The following APH1B variants were observed in gnomAD, a reference collection of about 807,000 sequenced individuals.
APH1B encodes the protein aph-1B gamma-secretase subunit, also known as gamma-secretase subunit APH-1B.
A neutral mutation model predicts 28.2 loss-of-function variants in APH1B; 27 were observed. That is an observed-to-expected ratio of 0.96 (90% confidence interval 0.70 to 1.32). APH1B has a LOEUF of 1.32. Ranked by LOEUF, APH1B falls within the 40% of genes most tolerant of loss-of-function variation. APH1B has a pLI of 0.00. For synonymous variants in APH1B, 141 were observed against 124.6 expected (o/e 1.13, Z -0.88); for missense variants, 305 against 313.6 (o/e 0.97, Z 0.21).
At chr15:63,295,425 T>TG (rs2038555191) in intron 4 of APH1B, among the ~76,000 whole-genome samples, 1 of 152,222 alleles carries the variant, frequency 6.6e-6, no homozygotes, top group African/African-American at 2.4e-5. Flanking sequence ...TTTTGCAGCA[T>TG]TTTTGTGACA....
intron 2 of APH1B, among the ~76,000 whole-genome samples, chr15:63,283,254 A>C (rs2152593220): frequency 6.6e-6 from 1 of 152,350 alleles, no homozygotes; most frequent in East Asian, 1.9e-4. Flanking sequence ...TGATTGACAC[A>C]GTCTCGCTCT....
At chr15:63,289,525 A>G (rs1186665987) in intron 4 of APH1B, among the ~76,000 whole-genome samples, 21 of 152,198 alleles carry the variant, frequency 1.4e-4, no homozygotes, top group Non-Finnish European at 4.4e-5. Context: ...AAATCCAAAA[A>G]TGCTCCAACA....
Position 63,305,786 on chromosome 15 carries a change from A to G in APH1B, c.*5A>G, listed in dbSNP as rs1567033971. Reference sequence around the variant, plus strand: ...TACAACCAGCGCTCCAGATAACCTCAGGGAACCAGCACTTCCCAAACCGCA... The same window carrying G: ...TACAACCAGCGCTCCAGATAACCTCGGGGAACCAGCACTTCCCAAACCGCA... On this transcript the variant is annotated 3_prime_UTR_variant, in exon 6 of 6. Coordinates refer to ENST00000261879, the MANE Select transcript of APH1B (RefSeq NM_031301.4). 4 of 1,611,720 alleles carry G rather than the reference A, an allele frequency of 2.5e-6. No homozygotes were observed. Among genetic ancestry groups the G allele is most frequent in the African/African-American group, 2.7e-5 (2 of 74,836 alleles).
intron 4 of APH1B, among the ~76,000 whole-genome samples, chr15:63,288,124 A>G (rs760476741): frequency 1.1e-4 from 17 of 152,158 alleles, no homozygotes; most frequent in Non-Finnish European, 2.2e-4. Context: ...GTTCCACAAG[A>G]AGACTCTTTT....
At chr15:63,286,649 T>A (rs767757043) in intron 3 of APH1B, 21 bp downstream of exon 3, 7 of 1,574,492 alleles carry the variant, frequency 4.4e-6, no homozygotes, top group Non-Finnish European at 5.2e-6. Flanking sequence ...ACCACATGGT[T>A]TCATTAAGGA....
chr15:63,287,644 T>C, intron 4 of APH1B, 98 bp downstream of exon 4: 1 of 1,460,500 alleles, frequency 6.8e-7, no homozygotes, highest in Non-Finnish European at 9.2e-7. Flanking sequence ...TTGGAATTTA[T>C]GTTATGTCTT....
At chr15:63,288,269 C>T (rs2038468302) in intron 4 of APH1B, among the ~76,000 whole-genome samples, 1 of 152,066 alleles carries the variant, frequency 6.6e-6, no homozygotes, top group African/African-American at 2.4e-5. Flanking sequence ...GGGAGCTTAT[C>T]CTCTAATAAG....
Position 63,277,686 on chromosome 15 carries a change from T to C in APH1B, c.63T>C (p.Tyr21=), listed in dbSNP as rs775620188. 6 of 1,611,796 alleles carry C rather than the reference T, an allele frequency of 3.7e-6. No homozygotes were observed. The highest frequency in any genetic ancestry group is 5.1e-6 in the Non-Finnish European group (6 of 1,179,060). Residue 21 remains tyrosine (Y), a synonymous_variant, in exon 1 of 6, where the codon TAT becomes TAC. Coordinates refer to ENST00000261879, the MANE Select transcript of APH1B (RefSeq NM_031301.4). ...CCTTCGGGCCTGCGCTCGCCCTTTA[T>C]GTCTTCACCATCGCCACCGAGCCGT... ...FIAFGPALAL[Y]VFTIATEPLR...
In APH1B at chr15:63,296,591, A is replaced by G. The variant is rs1283387259; in HGVS notation, c.479-5754A>G. ...CGTGTGAAAATGAAGGTGCTTATGA[A>G]TCTGTGTGTTAGAGCATTTGGGGTA... On this transcript the variant is annotated intron_variant, in intron 4 of 5. Transcript: ENST00000261879. 5.9e-5 allele frequency among the ~76,000 whole-genome samples: 9 copies of G among 152,254 alleles called. No homozygotes were observed. The East Asian group carries it at 1.7e-3, about 29-fold the overall frequency.
At chr15:63,302,138 G>C (rs1004783721) in intron 4 of APH1B, among the ~76,000 whole-genome samples, 19 of 152,146 alleles carry the variant, frequency 1.2e-4, no homozygotes, top group Non-Finnish European at 2.8e-4. Flanking sequence ...TATTGAACAG[G>C]TTTACATTCT....
chr15:63,287,557 C>T lies in APH1B; in HGVS notation c.478+11C>T, dbSNP rs199856103. The stretch of plus-strand genomic sequence containing the variant: ...TCTTCCTTTATTCAGGTATGTGTCT[C>T]ATAGCTGTCAACATTCAGGCTTCTA... On this transcript the variant is annotated intron_variant, in intron 4 of 5. Coordinates refer to ENST00000261879, the MANE Select transcript of APH1B (RefSeq NM_031301.4). The T allele has an allele frequency of 2.5e-6, 4 of 1,612,514 alleles. No homozygotes were observed. The Admixed American group carries it at 6.7e-5, about 27-fold the overall frequency.
At chr15:63,299,960 T>C (rs2038607830) in intron 4 of APH1B, among the ~76,000 whole-genome samples, 1 of 152,010 alleles carries the variant, frequency 6.6e-6, no homozygotes, top group Non-Finnish European at 1.5e-5. Context: ...TGAGCATGTA[T>C]GGGATGGGAC....
At chr15:63,300,320 T>G (rs2152600938) in intron 4 of APH1B, among the ~76,000 whole-genome samples, 1 of 152,260 alleles carries the variant, frequency 6.6e-6, no homozygotes, top group East Asian at 1.9e-4. Flanking sequence ...ACATCAATAT[T>G]CAGAAAGAAT....
intron 4 of APH1B, among the ~76,000 whole-genome samples, chr15:63,289,394 G>A (rs989725917): frequency 6.6e-6 from 1 of 151,984 alleles, no homozygotes; most frequent in Non-Finnish European, 1.5e-5. Context: ...ATTTTTGCCA[G>A]GTAAATCCAT....
intron 2 of APH1B, among the ~76,000 whole-genome samples, chr15:63,285,812 T>C (rs916165429): frequency 6.6e-6 from 1 of 152,268 alleles, no homozygotes; most frequent in Non-Finnish European, 1.5e-5. Flanking sequence ...GGTTCATTTA[T>C]GTCCTGTTCT....
chr15:63,300,894 C>T (rs2038620145), intron 4 of APH1B, among the ~76,000 whole-genome samples: 1 of 152,074 alleles, frequency 6.6e-6, no homozygotes, highest in Non-Finnish European at 1.5e-5. Flanking sequence ...TATAGTATTC[C>T]ATTGTGTGAA....
chr15:63,297,186 G>A (rs117465388), intron 4 of APH1B, among the ~76,000 whole-genome samples: 7 of 152,258 alleles, frequency 4.6e-5, no homozygotes, highest in Non-Finnish European at 7.4e-5. Context: ...ATAAACTAAC[G>A]TTGATATTCT....
intron 3 of APH1B, among the ~76,000 whole-genome samples, chr15:63,286,898 T>C (rs1193156975): frequency 6.6e-6 from 1 of 152,232 alleles, no homozygotes; most frequent in Non-Finnish European, 1.5e-5. Flanking sequence ...ACTAAGATTT[T>C]CTAGATGATG....
rs1310693711 is a variant in APH1B at position 63,307,669 on chromosome 15, A to T, written c.*1888A>T. 2.0e-5 allele frequency: 3 copies of T among 152,242 alleles called. No individual in the cohort carries two copies. Among genetic ancestry groups the T allele is most frequent in the Non-Finnish European group, 2.9e-5 (2 of 68,044 alleles). 9.4% of individuals were successfully genotyped at this position (152,242 alleles called of 1,614,324 possible). ...GAATAAGAAAAATACATAGTTGGTT[A>T]TTATGGACTTAAAACTGTGTTAAAT... On this transcript the variant is annotated 3_prime_UTR_variant, in exon 6 of 6. Transcript: ENST00000261879.
Sources: gnomAD v4.1 joint callset for allele counts (sites outside exome capture counted in the v4.1 genomes callset) on GRCh38, gnomAD v4.1.1 for gene constraint, MANE v1.5 for transcripts, NCBI Gene and HGNC (gene_info 2026-07-23, HGNC 2026-07-21) for gene names.